The following TRAF3IP2 variants were observed in gnomAD, a reference collection of about 807,000 sequenced individuals.
The protein encoded by TRAF3IP2 is E3 ubiquitin ligase TRAF3IP2.
A neutral mutation model predicts 57.9 loss-of-function variants in TRAF3IP2; 35 were observed. That is an observed-to-expected ratio of 0.60 (90% CI 0.46 to 0.80). TRAF3IP2 has a LOEUF of 0.80. Among genes scored for constraint, TRAF3IP2 ranks in the 30% least tolerant of loss-of-function variants. The pLI is 0.00. For synonymous variants in TRAF3IP2, 251 were observed against 268.9 expected (o/e 0.93, Z 0.65); for missense variants, 556 against 706.4 (o/e 0.79, Z 2.41).
At chr6:111,602,423 A>G (rs1796902622) in intron 1 of TRAF3IP2, 1 of 152,070 alleles carries the variant, frequency 6.6e-6, no homozygotes, top group Non-Finnish European at 1.5e-5. Flanking sequence ...CACGGAGTGA[A>G]GGAGAGGAAG....
chr6:111,604,738 C>T (rs963083351), intron 1 of TRAF3IP2, among the ~76,000 whole-genome samples: 1 of 152,166 alleles, frequency 6.6e-6, no homozygotes, highest in Non-Finnish European at 1.5e-5. Flanking sequence ...TGGTAGCATG[C>T]TGGATTCTGG....
chr6:111,566,581 G>C, intron 6 of TRAF3IP2, 21 bp from the exon 7 acceptor site: 1 of 1,603,162 alleles, frequency 6.2e-7, no homozygotes, highest in South Asian at 1.1e-5. Context: ...GAGGGAGAAA[G>C]GCATGTTTAT....
At position 111,591,892 on chromosome 6, in the gene TRAF3IP2, T is replaced by A; in HGVS notation, c.195A>T (p.Ser65=). ...GCTGGTGATTTGCAAGTTTCAGGGT[T>A]GAGTGAGCTTGAGAAAAGTCTCCGG... ...NSSGDFSQAH[S]TLKLANHQRP... Residue 65 remains serine, a synonymous_variant, in exon 2 of 9, where the codon TCA becomes TCT. Transcript: ENST00000368761. This position sits in a 1 kb window ranked among gnomAD's most constrained non-coding sequence, Gnocchi z 4.9. 6.2e-7 allele frequency: 1 copy of A among 1,614,204 alleles called. No homozygotes were observed. The highest frequency in any genetic ancestry group is 8.5e-7 in the Non-Finnish European group (1 of 1,180,040).
At chr6:111,596,891 C>A (rs1027860281) in intron 1 of TRAF3IP2, among the ~76,000 whole-genome samples, 3 of 152,242 alleles carry the variant, frequency 2.0e-5, no homozygotes, top group African/African-American at 7.2e-5. Context: ...GCCACCACGC[C>A]TGGCCTGGGG....
At chr6:111,586,868 A>G (rs1246083010) in intron 2 of TRAF3IP2, 1 of 152,236 alleles carries the variant, frequency 6.6e-6, no homozygotes, top group Non-Finnish European at 1.5e-5. Context: ...CACCCTGCAG[A>G]ACTGGGCTAC....
intron 1 of TRAF3IP2, chr6:111,601,327 G>C (rs1796856885): frequency 3.2e-6 from 2 of 620,892 alleles, no homozygotes; most frequent in Non-Finnish European, 3.0e-6. Context: ...ATCTTGATTT[G>C]AGAAAAGCAT....
In TRAF3IP2 at chr6:111,586,936, C is replaced by T. The variant is rs531486332; in HGVS notation, c.829+4322G>A. ...AAAGCTGTTAGTATTGAGGGCTTACCACCAGCCAGCCACTTTCCTAGTGCC... is the reference window on the plus strand; with the variant it reads ...AAAGCTGTTAGTATTGAGGGCTTACTACCAGCCAGCCACTTTCCTAGTGCC... On this transcript the variant is annotated intron_variant, in intron 2 of 8. Transcript: ENST00000368761. 8 of 152,246 alleles carry T rather than the reference C, an allele frequency of 5.3e-5. No individual in the cohort carries two copies. The South Asian group carries it at 1.0e-3, about 20-fold the overall frequency. The allele number at this position is 152,246 out of a possible 1,614,324, so 9.4% of individuals were successfully genotyped here.
At position 111,559,310 on chromosome 6, in the gene TRAF3IP2, C is replaced by G; in HGVS notation, c.*95G>C. On this transcript the variant is annotated 3_prime_UTR_variant, in exon 9 of 9. Transcript: ENST00000368761. ...CCTCTCGGGGAGGAACAGAAAAAAA[C>G]CAGCCAGGAGTGCTACCGACCAGCC... 6.6e-7 allele frequency: 1 copy of G among 1,508,612 alleles called. No homozygotes were observed. Among genetic ancestry groups the G allele is most frequent in the Non-Finnish European group, 8.9e-7 (1 of 1,128,150 alleles). The allele number at this position is 1,508,612 out of a possible 1,614,324, so 93.5% of individuals were successfully genotyped here.
At chr6:111,577,361 A>G (rs1345820091) in intron 3 of TRAF3IP2, among the ~76,000 whole-genome samples, 1 of 152,198 alleles carries the variant, frequency 6.6e-6, no homozygotes, top group Non-Finnish European at 1.5e-5. Context: ...TTCTGAATTA[A>G]AGTTCTCTTT....
intron 2 of TRAF3IP2, among the ~76,000 whole-genome samples, chr6:111,585,653 T>A (rs1389124865): frequency 6.6e-6 from 1 of 152,182 alleles, no homozygotes; most frequent in Non-Finnish European, 1.5e-5. Context: ...TGAGAATCCC[T>A]GTTCAGAAAT....
intron 7 of TRAF3IP2, 74 bp from the exon 8 acceptor site, chr6:111,563,113 C>T (rs1332434549): frequency 1.4e-5 from 15 of 1,091,206 alleles, no homozygotes; most frequent in African/African-American, 9.3e-5. Context: ...TAATCATGCA[C>T]GTCCACATGG....
At chr6:111,572,561 G>C (rs1398712015) in intron 5 of TRAF3IP2, among the ~76,000 whole-genome samples, 1 of 152,210 alleles carries the variant, frequency 6.6e-6, no homozygotes, top group East Asian at 1.9e-4. Flanking sequence ...GGGCATGATT[G>C]GTGAGAAAGG....
At chr6:111,598,592 T>A (rs1796767985) in intron 1 of TRAF3IP2, among the ~76,000 whole-genome samples, 1 of 152,218 alleles carries the variant, frequency 6.6e-6, no homozygotes, top group African/African-American at 2.4e-5. Flanking sequence ...GTGTAGGGTA[T>A]GCCATCATTT....
At chr6:111,579,586 G>C (rs1442692808) in intron 3 of TRAF3IP2, among the ~76,000 whole-genome samples, 1 of 152,068 alleles carries the variant, frequency 6.6e-6, no homozygotes, top group Non-Finnish European at 1.5e-5. Context: ...ACAAAAGTTA[G>C]CTGGGCATGG....
chr6:111,577,962 C>T (rs936590764), intron 3 of TRAF3IP2, among the ~76,000 whole-genome samples: 1 of 152,172 alleles, frequency 6.6e-6, no homozygotes, highest in Non-Finnish European at 1.5e-5. Context: ...ATCCACCCAC[C>T]TCTGCCTCCC....
rs753444094 is a variant in TRAF3IP2, at chr6:111,591,289, A to G, written c.798T>C (p.His266=). The change falls in exon 2 of 9, where the codon CAT becomes CAC. Residue 266 remains histidine (H), a synonymous_variant. Transcript: ENST00000368761. The surrounding 1 kb of genome is among the most constrained non-coding windows in gnomAD (Gnocchi z 4.9). ...SPHAPWNYHY[H]CPGSPDHQVP... is the part of the protein sequence containing the mutation. ...CCTGGTGATCGGGACTTCCAGGACA[A>G]TGGTAATGATAGTTCCATGGAGCAT... 3 of 1,499,038 alleles carry G rather than the reference A, an allele frequency of 2.0e-6. No individual in the cohort carries two copies. The allele number at this position is 1,499,038 out of a possible 1,614,324, so 92.9% of individuals were successfully genotyped here. A position where few individuals can be genotyped will look rare whatever the true frequency, so the allele number is the denominator to read the frequency against.
chr6:111,587,533 G>A (rs1796377499), intron 2 of TRAF3IP2, among the ~76,000 whole-genome samples: 1 of 152,034 alleles, frequency 6.6e-6, no homozygotes, highest in Admixed American at 6.6e-5. Flanking sequence ...GGGATTACAG[G>A]TGTGAGCCAC....
chr6:111,566,170 C>T lies in TRAF3IP2; in HGVS notation c.1476+274G>A, dbSNP rs953009956. ...GGTAAACAGCCAAGCCAGCAGAGCA[C>T]GTCTTTCCAGAATCTTGGATCCTAG... On this transcript the variant is annotated intron_variant, in intron 7 of 8. Coordinates refer to ENST00000368761, the MANE Select transcript of TRAF3IP2 (RefSeq NM_147686.4). Among the ~76,000 whole-genome samples, 5 of 152,196 alleles carry T rather than the reference C, an allele frequency of 3.3e-5. No homozygotes were observed. The East Asian group carries it at 5.8e-4, about 18-fold the overall frequency.
At chr6:111,585,896 C>A (rs994025344) in intron 2 of TRAF3IP2, among the ~76,000 whole-genome samples, 2 of 152,182 alleles carry the variant, frequency 1.3e-5, no homozygotes, top group Non-Finnish European at 2.9e-5. Flanking sequence ...TGAGTACACA[C>A]GATCTTCATG....
Sources: gnomAD v4.1 joint callset for allele counts (sites outside exome capture counted in the v4.1 genomes callset) on GRCh38, gnomAD v4.1.1 for gene constraint, Gnocchi (gnomAD v3.1) non-coding constraint, MANE v1.5 for transcripts, NCBI Gene and HGNC (gene_info 2026-07-23, HGNC 2026-07-21) for gene names.